POLR3B: variants seen among roughly 807,000 people sequenced by gnomAD.
The protein encoded by POLR3B is RNA polymerase III subunit B.
Under a neutral mutation model 147.4 loss-of-function variants are expected in POLR3B, and 96 were observed. The ratio of observed to expected loss-of-function variants is 0.65; its 90% CI spans 0.55 to 0.77. The LOEUF is 0.77. POLR3B is among the 30% of genes least tolerant of loss of function. POLR3B has a pLI of 0.00. For missense variants in POLR3B, 1,036 were observed against 1,413.5 expected, an observed-to-expected ratio of 0.73 and a Z score of 4.28; for synonymous variants, 461 against 485.9, an observed-to-expected ratio of 0.95 and a Z score of 0.67.
chr12:106,388,877 G>A (rs772499430), intron 9 of POLR3B, among the ~76,000 whole-genome samples: 10 of 152,034 alleles, frequency 6.6e-5, no homozygotes, highest in Non-Finnish European at 1.5e-4. Flanking sequence ...TAAAAGTCAC[G>A]CTTTGTAGAT....
chr12:106,390,951 G>T (rs1487017603), intron 9 of POLR3B, among the ~76,000 whole-genome samples: 4 of 152,134 alleles, frequency 2.6e-5, no homozygotes, highest in Non-Finnish European at 5.9e-5. Flanking sequence ...GAGGTGGGAG[G>T]TTCACTTAAG....
intron 23 of POLR3B, 185 bp from the exon 24 acceptor site, chr12:106,495,870 A>C (rs758370291): frequency 2.7e-5 from 19 of 691,748 alleles, no homozygotes; most frequent in Non-Finnish European, 4.7e-5. Context: ...TCGCAAGGAG[A>C]GTCGTTTTTG....
intron 18 of POLR3B, among the ~76,000 whole-genome samples, chr12:106,441,813 G>A (rs1023881300): frequency 1.3e-5 from 2 of 152,176 alleles, no homozygotes; most frequent in African/African-American, 4.8e-5. Context: ...GAGTGCAGTG[G>A]CTCACGCCTG....
intron 9 of POLR3B, among the ~76,000 whole-genome samples, chr12:106,384,673 T>C (rs1196908843): frequency 6.6e-6 from 1 of 152,142 alleles, no homozygotes; most frequent in Non-Finnish European, 1.5e-5. Flanking sequence ...CCTAGTATAA[T>C]GCTAAAGTGC....
intron 10 of POLR3B, among the ~76,000 whole-genome samples, chr12:106,399,686 G>T (rs144500664): frequency 0.016 from 2,468 of 152,250 alleles, 67 homozygotes; most frequent in African/African-American, 0.057. Context: ...CATTCTCAAA[G>T]AAAAGAATTT....
At chr12:106,438,195 A>G (rs2037603097) in intron 18 of POLR3B, among the ~76,000 whole-genome samples, 1 of 152,148 alleles carries the variant, frequency 6.6e-6, no homozygotes, top group Admixed American at 6.6e-5. Context: ...AGCTTCATCC[A>G]TGTCTCTGCA....
intron 27 of POLR3B, among the ~76,000 whole-genome samples, chr12:106,506,621 T>C (rs1225373865): frequency 1.3e-5 from 2 of 152,242 alleles, no homozygotes; most frequent in Non-Finnish European, 2.9e-5. Context: ...GTGTCTGATT[T>C]TGAAGCGTAT....
At chr12:106,381,749 T>A (rs899798550) in intron 9 of POLR3B, among the ~76,000 whole-genome samples, 8 of 152,216 alleles carry the variant, frequency 5.3e-5, no homozygotes, top group Admixed American at 3.9e-4. Context: ...TTCTTTTTTT[T>A]AAAGTGAAAG....
At chr12:106,460,087 T>A (rs1319648253) in intron 22 of POLR3B, among the ~76,000 whole-genome samples, 2 of 152,220 alleles carry the variant, frequency 1.3e-5, no homozygotes, top group East Asian at 1.9e-4. Context: ...TGAGTTGTGA[T>A]GGCAGTTTTA....
intron 1 of POLR3B, 184 bp downstream of exon 1, chr12:106,358,135 TGAAGG>T (rs1043299909): frequency 7.8e-6 from 7 of 897,236 alleles, no homozygotes; most frequent in Non-Finnish European, 1.0e-5. Flanking sequence ...CGTGCGCGAG[TGAAGG>T]CTGATCCCAG....
chr12:106,508,140 G>T (rs2038718575), intron 27 of POLR3B, among the ~76,000 whole-genome samples: 1 of 152,130 alleles, frequency 6.6e-6, no homozygotes, highest in Admixed American at 6.5e-5. Flanking sequence ...TTCAATAAAT[G>T]TGTGTCCACA....
intron 19 of POLR3B, among the ~76,000 whole-genome samples, chr12:106,449,484 A>G (rs1463631434): frequency 1.3e-5 from 2 of 152,330 alleles, no homozygotes; most frequent in East Asian, 1.9e-4. Flanking sequence ...CTAATAGCCT[A>G]CTGTTGACTG....
At chr12:106,379,644 C>T (rs548878866) in intron 8 of POLR3B, among the ~76,000 whole-genome samples, 1 of 152,250 alleles carries the variant, frequency 6.6e-6, no homozygotes, top group Admixed American at 6.5e-5. Flanking sequence ...TTTAAAAACT[C>T]GTATATAAAT....
At chr12:106,470,441 A>G (rs188754247) in intron 23 of POLR3B, among the ~76,000 whole-genome samples, 1 of 152,206 alleles carries the variant, frequency 6.6e-6, no homozygotes, top group African/African-American at 2.4e-5. Flanking sequence ...GACTTTCTGA[A>G]GCCTACTTCT....
In POLR3B at chr12:106,437,093, C is replaced by T; in HGVS notation, c.1818C>T (p.Val606=). 6.2e-7 allele frequency: 1 copy of T among 1,613,436 alleles called. No individual in the cohort carries two copies. Among genetic ancestry groups the T allele is most frequent in the Non-Finnish European group, 8.5e-7 (1 of 1,179,776 alleles). ...YIIVKKQKPA[V]TNKHMEELAQ... is the part of the protein sequence containing the mutation. ...TTGTCAAGAAACAGAAGCCAGCAGT[C>T]ACAAATAAACATATGGAAGAGCTGG... The change falls in exon 17 of 28, where the codon GTC becomes GTT. Residue 606 remains valine (V), a synonymous_variant. Transcript: ENST00000228347.
intron 16 of POLR3B, among the ~76,000 whole-genome samples, chr12:106,435,220 C>T (rs1364044666): frequency 2.0e-5 from 3 of 151,938 alleles, no homozygotes; most frequent in Non-Finnish European, 4.4e-5. Context: ...CTCCGCCTCC[C>T]AGGTTCAAGC....
rs555296424 is a variant in POLR3B, at chr12:106,467,804, G to A, written c.2713+4184G>A. Among the ~76,000 whole-genome samples, 8 of 152,226 alleles carry A rather than the reference G, an allele frequency of 5.3e-5. No homozygotes were observed. The South Asian group carries it at 6.2e-4, about 12-fold the overall frequency. ...AGCCTTGCATCTCAGGGATGAAGCC[G>A]ACTTGATCGTGGTGGAAAAGCTTTT... On this transcript the variant is annotated intron_variant, in intron 23 of 27. Transcript: ENST00000228347.
chr12:106,489,944 G>GT (rs1268529254), intron 23 of POLR3B, among the ~76,000 whole-genome samples: 3 of 152,116 alleles, frequency 2.0e-5, no homozygotes, highest in Non-Finnish European at 4.4e-5. Context: ...ATCATAAGGT[G>GT]TATGATGCCA....
intron 12 of POLR3B, among the ~76,000 whole-genome samples, chr12:106,413,589 A>G (rs914780209): frequency 2.0e-5 from 3 of 151,516 alleles, no homozygotes; most frequent in African/African-American, 4.9e-5. Flanking sequence ...TACTTTTAAG[A>G]TATTCTTTTG....
Sources: gnomAD v4.1 joint callset for allele counts (sites outside exome capture counted in the v4.1 genomes callset) on GRCh38, gnomAD v4.1.1 for gene constraint, MANE v1.5 for transcripts, NCBI Gene and HGNC (gene_info 2026-07-23, HGNC 2026-07-21) for gene names.